Variants in ZBTB44 observed in about 807,000 individuals in gnomAD.
The protein encoded by ZBTB44 is zinc finger and BTB domain containing 44, also known as zinc finger and BTB domain-containing protein 44.
ZBTB44 carries 15 observed loss-of-function variants against 54.0 expected under a neutral mutation model. The observed-to-expected ratio is 0.28, with a 90% CI of 0.19 to 0.43. ZBTB44 has a LOEUF of 0.43. Ranked by LOEUF, ZBTB44 falls within the 20% of genes least tolerant of loss-of-function variation. The pLI, the probability that ZBTB44 is intolerant of heterozygous loss-of-function variation, is 1.00. For synonymous variants in ZBTB44, 230 were observed against 250.1 expected, an observed-to-expected ratio of 0.92 and a Z score of 0.76; for missense variants, 487 against 707.1, an observed-to-expected ratio of 0.69 and a Z score of 3.53.
rs185889931 is a variant in ZBTB44 at position 130,227,080 on chromosome 11, C to T, written c.*4684G>A. The T allele has an allele frequency of 5.3e-5, 8 of 151,860 alleles. No individual in the cohort carries two copies. The highest frequency in any genetic ancestry group is 1.3e-4 in the Admixed American group (2 of 15,256). The allele number at this position is 151,860 out of a possible 1,614,324, so 9.4% of individuals were successfully genotyped here. On this transcript the variant is annotated 3_prime_UTR_variant, in exon 8 of 8. Coordinates refer to ENST00000357899, the MANE Select transcript of ZBTB44 (RefSeq NM_001301098.2). ...CCTAAAAATGATTGTAACGTTGAAACGGCACTTAGTTTACAAAAAAGGTCA... is the reference window on the plus strand; with the variant it reads ...CCTAAAAATGATTGTAACGTTGAAATGGCACTTAGTTTACAAAAAAGGTCA...
intron 2 of ZBTB44, among the ~76,000 whole-genome samples, chr11:130,254,741 T>C (rs1324447268): frequency 1.3e-5 from 2 of 151,974 alleles, no homozygotes; most frequent in East Asian, 1.9e-4. Context: ...ACCCAAAGGA[T>C]TATAAATCAT....
chr11:130,269,633 G>A (rs538860758), intron 1 of ZBTB44, among the ~76,000 whole-genome samples: 1 of 152,104 alleles, frequency 6.6e-6, no homozygotes, highest in South Asian at 2.1e-4. Flanking sequence ...TTTACAGTTG[G>A]GTTGAAACAA....
chr11:130,264,209 T>C (rs1939085335), intron 1 of ZBTB44, among the ~76,000 whole-genome samples: 1 of 152,206 alleles, frequency 6.6e-6, no homozygotes, highest in Non-Finnish European at 1.5e-5. Context: ...TTTAGAATAG[T>C]AACTAGTAAC....
At chr11:130,290,631 T>G (rs1244510389) in intron 1 of ZBTB44, among the ~76,000 whole-genome samples, 1 of 152,202 alleles carries the variant, frequency 6.6e-6, no homozygotes, top group Admixed American at 6.5e-5. Context: ...AAAATACAAT[T>G]ATCTGAGTCC....
At chr11:130,247,568 C>T (rs1406337006) in intron 2 of ZBTB44, among the ~76,000 whole-genome samples, 4 of 152,164 alleles carry the variant, frequency 2.6e-5, no homozygotes, top group South Asian at 2.1e-4. Flanking sequence ...GCTGTGTTAA[C>T]GGCCTACAAG....
In ZBTB44 at chr11:130,233,321, C is replaced by G; in HGVS notation, c.*35G>C. On this transcript the variant is annotated 3_prime_UTR_variant, in exon 7 of 8. Coordinates refer to ENST00000357899, the MANE Select transcript of ZBTB44 (RefSeq NM_001301098.2). The stretch of plus-strand genomic sequence containing the variant: ...GGATTTACATACTTCATTCTCCGTT[C>G]CTGGTCATTTCATCCACAGCTTGAC... 1 of 1,531,130 alleles carries G rather than the reference C, an allele frequency of 6.5e-7. No homozygotes were observed. The highest frequency in any genetic ancestry group is 1.2e-5 in the South Asian group (1 of 83,810). 94.8% of individuals were successfully genotyped at this position (1,531,130 alleles called of 1,614,324 possible).
intron 1 of ZBTB44, among the ~76,000 whole-genome samples, chr11:130,292,984 T>C (rs997740539): frequency 6.6e-6 from 1 of 152,214 alleles, no homozygotes. Context: ...CATTTTCCCA[T>C]GATATGAACC....
At chr11:130,256,921 G>A (rs1938488079) in intron 2 of ZBTB44, among the ~76,000 whole-genome samples, 1 of 151,932 alleles carries the variant, frequency 6.6e-6, no homozygotes, top group Non-Finnish European at 1.5e-5. Flanking sequence ...GAGAAAGAAA[G>A]AGTATTCAAA....
rs745397397 is a variant in ZBTB44 at position 130,236,831 on chromosome 11, G to A, written c.1530C>T (p.Asn510=). 26 of 1,419,104 alleles carry A rather than the reference G, an allele frequency of 1.8e-5. No homozygotes were observed. The highest frequency in any genetic ancestry group is 2.4e-5 in the Non-Finnish European group (26 of 1,085,940). 87.9% of individuals were successfully genotyped at this position (1,419,104 alleles called of 1,614,324 possible). Residue 510 remains asparagine, a synonymous_variant, in exon 5 of 8, where the codon AAC becomes AAT. Transcript: ENST00000357899. ...GNLIVHLRSL[N]HEASELANYF... is the part of the protein sequence containing the mutation. ...AGTTTGCTAGCTCTGATGCTTCATGGTTCAGACTCCTCAGGTGCACGATTA... is the reference window on the plus strand; with the variant it reads ...AGTTTGCTAGCTCTGATGCTTCATGATTCAGACTCCTCAGGTGCACGATTA...
chr11:130,233,061 C>T lies in ZBTB44; in HGVS notation c.*48+247G>A. 5 of 412,948 alleles carry T rather than the reference C, an allele frequency of 1.2e-5. No homozygotes were observed. The South Asian group carries it at 3.0e-4, about 25-fold the overall frequency. 25.6% of individuals were successfully genotyped at this position (412,948 alleles called of 1,614,324 possible). On this transcript the variant is annotated intron_variant, in intron 7 of 7. Coordinates refer to ENST00000357899, the MANE Select transcript of ZBTB44 (RefSeq NM_001301098.2). ...CTCAATAGAGAATTATTTATTATGT[C>T]CAAAAGAGCACAATGAAAACATCCC... is the stretch of plus-strand genomic sequence containing the variant.
At chr11:130,276,944 G>A (rs1000330440) in intron 1 of ZBTB44, among the ~76,000 whole-genome samples, 2 of 151,990 alleles carry the variant, frequency 1.3e-5, no homozygotes, top group Non-Finnish European at 2.9e-5. Flanking sequence ...TGCTGGATAC[G>A]AGTAAAACCA....
intron 5 of ZBTB44, 77 bp downstream of exon 5, chr11:130,236,716 C>T: frequency 7.7e-7 from 1 of 1,303,294 alleles, no homozygotes; most frequent in Non-Finnish European, 9.7e-7. Flanking sequence ...TGTAAAAACA[C>T]AGAAGGCTGC....
chr11:130,287,281 A>G (rs1330110444), intron 1 of ZBTB44, among the ~76,000 whole-genome samples: 3 of 152,210 alleles, frequency 2.0e-5, no homozygotes, highest in African/African-American at 7.2e-5. Context: ...CCAAGTTTAT[A>G]AAAATTACAG....
intron 1 of ZBTB44, among the ~76,000 whole-genome samples, chr11:130,264,842 T>C (rs1035821584): frequency 2.0e-5 from 3 of 152,226 alleles, no homozygotes; most frequent in African/African-American, 7.2e-5. Flanking sequence ...AAATTGGAAA[T>C]TTGTGGCAAC....
chr11:130,310,618 T>C (rs1163705590), intron 1 of ZBTB44: 1 of 152,236 alleles, frequency 6.6e-6, no homozygotes, highest in Non-Finnish European at 1.5e-5. Context: ...ATAATTTGTC[T>C]ATTGCTAATT....
At chr11:130,257,058 A>G (rs182265649) in intron 2 of ZBTB44, among the ~76,000 whole-genome samples, 29 of 152,146 alleles carry the variant, frequency 1.9e-4, no homozygotes, top group African/African-American at 6.0e-4. Flanking sequence ...AAGCTGATAA[A>G]CAACTTCAGC....
At chr11:130,273,467 C>T (rs1351956229) in intron 1 of ZBTB44, among the ~76,000 whole-genome samples, 1 of 151,990 alleles carries the variant, frequency 6.6e-6, no homozygotes, top group Non-Finnish European at 1.5e-5. Context: ...GGGCCACCAA[C>T]ATGCCTGGCT....
intron 3 of ZBTB44, 51 bp downstream of exon 3, chr11:130,239,761 A>G (rs1954272342): frequency 7.0e-7 from 1 of 1,425,444 alleles, no homozygotes; most frequent in Non-Finnish European, 9.8e-7. Context: ...TTGAATTTGG[A>G]GTTGTAAACA....
intron 2 of ZBTB44, 128 bp from the exon 3 acceptor site, chr11:130,240,024 C>T: frequency 1.7e-6 from 1 of 591,944 alleles, no homozygotes; most frequent in South Asian, 2.1e-5. Context: ...AATTATTAAT[C>T]CAAAGTAGTG....
Sources: allele counts gnomAD v4.1 joint callset (sites outside exome capture counted in the v4.1 genomes callset), GRCh38; gene constraint gnomAD v4.1.1; transcripts MANE v1.5; gene names NCBI Gene and HGNC (gene_info 2026-07-23, HGNC 2026-07-21).